Variants in PPM1G observed in about 807,000 individuals in gnomAD.
PPM1G encodes protein phosphatase 1G.
PPM1G carries 12 observed loss-of-function variants against 59.4 expected under a neutral mutation model. The observed-to-expected ratio is 0.20, with a 90% confidence interval of 0.13 to 0.33. PPM1G has a LOEUF of 0.33. Ranked by LOEUF, PPM1G falls within the 10% of genes least tolerant of loss-of-function variation. The pLI is 1.00. For synonymous variants in PPM1G, 245 were observed against 251.9 expected (o/e 0.97, Z 0.26); for missense variants, 392 against 681.3 (o/e 0.58, Z 4.73).
In PPM1G at chr2:27,395,006, G is replaced by A. The variant is rs541559574; in HGVS notation, c.121-7848C>T. 3.3e-5 allele frequency among the ~76,000 whole-genome samples: 5 copies of A among 152,086 alleles called. No individual in the cohort carries two copies. In the South Asian group the frequency reaches 1.0e-3, roughly 32 times the overall value. On this transcript the variant is annotated intron_variant, in intron 1 of 9. Coordinates refer to ENST00000344034, the MANE Select transcript of PPM1G (RefSeq NM_177983.3). ...ACACTTTGGGAGGCCAAGGCGGGTG[G>A]ATCACTTGGGGTCAGGAGTTTGAGA... is the stretch of plus-strand genomic sequence containing the variant.
At chr2:27,404,454 G>A (rs1045538833) in intron 1 of PPM1G, among the ~76,000 whole-genome samples, 3 of 151,770 alleles carry the variant, frequency 2.0e-5, no homozygotes, top group Non-Finnish European at 1.5e-5. Flanking sequence ...GAAGGCTGAG[G>A]CAGGAGAATC....
At chr2:27,392,273 G>GTTGGT (rs1279746178) in intron 1 of PPM1G, among the ~76,000 whole-genome samples, 2 of 122,586 alleles carry the variant, frequency 1.6e-5, no homozygotes, top group African/African-American at 6.7e-5. Context: ...ACTTTGTTTT[G>GTTGGT]TTGGTTTGTT....
intron 2 of PPM1G, chr2:27,386,850 A>G (rs1237533359): frequency 2.8e-6 from 1 of 352,958 alleles, no homozygotes; most frequent in Non-Finnish European, 5.1e-6. Flanking sequence ...AAAATTTTAA[A>G]AAATAAAAAT....
chr2:27,391,654 A>T (rs1233241370), intron 1 of PPM1G, among the ~76,000 whole-genome samples: 2 of 151,036 alleles, frequency 1.3e-5, no homozygotes, highest in East Asian at 3.9e-4. Context: ...GCTGCATGTC[A>T]CTTTTCTTGA....
Position 27,384,527 on chromosome 2 carries a change from T to C in PPM1G, c.825+146A>G, listed in dbSNP as rs1683715438. ...TGGTACCTGTGATGATGGAGCTCAA[T>C]GAATTCAAGACTAAAGCTTAGAATA... On this transcript the variant is annotated intron_variant, in intron 5 of 9. Transcript: ENST00000344034. The surrounding 1 kb of genome is among the most constrained non-coding windows in gnomAD (Gnocchi z 4.8). 9 of 1,029,404 alleles carry C rather than the reference T, an allele frequency of 8.7e-6. No individual in the cohort carries two copies. The highest frequency in any genetic ancestry group is 7.2e-5 in the East Asian group (3 of 41,626). 63.8% of individuals were successfully genotyped at this position (1,029,404 alleles called of 1,614,324 possible). A position where few individuals can be genotyped will look rare whatever the true frequency, so the allele number is the denominator to read the frequency against.
chr2:27,408,007 A>G (rs747961754), intron 1 of PPM1G, among the ~76,000 whole-genome samples: 4 of 151,994 alleles, frequency 2.6e-5, no homozygotes, highest in Non-Finnish European at 5.9e-5. Context: ...AGATCGCGCC[A>G]TTGCATTCCA....
At position 27,402,806 on chromosome 2, in the gene PPM1G, C is replaced by CAATAAATA. The variant is rs201750083; in HGVS notation, c.120+6489_120+6496dup. ...TGGGTGACAGTGTAAGACTCCATCT[C>CAATAAATA]AATAAATAAATAAATAAATAAATAA... On this transcript the variant is annotated intron_variant, in intron 1 of 9. Coordinates refer to ENST00000344034, the MANE Select transcript of PPM1G (RefSeq NM_177983.3). Among the ~76,000 whole-genome samples, 632 of 140,882 alleles carry CAATAAATA rather than the reference C, an allele frequency of 4.5e-3. 2 individuals are homozygous for CAATAAATA. Among genetic ancestry groups the CAATAAATA allele is most frequent in the Middle Eastern group, 0.022 (6 of 272 alleles). 92.4% of individuals were successfully genotyped at this position (140,882 alleles called of 152,430 possible).
intron 1 of PPM1G, chr2:27,392,818 T>C: frequency 2.0e-6 from 3 of 1,494,312 alleles, no homozygotes; most frequent in South Asian, 2.3e-5. Flanking sequence ...CAGGGTGTGC[T>C]TGTCAAAGAG....
At chr2:27,387,215 C>T (rs1558317169) in intron 1 of PPM1G, 57 bp from the exon 2 acceptor site, 9 of 1,438,236 alleles carry the variant, frequency 6.3e-6, no homozygotes, top group Middle Eastern at 1.8e-4. Context: ...TTCCTCAGGT[C>T]ATAGGGATCA....
chr2:27,384,876 C>T lies in PPM1G; in HGVS notation c.622G>A (p.Ala208Thr), dbSNP rs910916831. The change falls in exon 5 of 10, where the codon GCC becomes ACC. Residue 208 changes from alanine (A) to threonine (T), a missense_variant. Physicochemically the swap from Ala to Thr is moderately conservative, Grantham distance 58. Transcript: ENST00000344034. The surrounding 1 kb of genome is among the most constrained non-coding windows in gnomAD (Gnocchi z 4.8). ...ETPSQENGPT[A>T]KAYTGFSSNS... ...GAGGAAAAGCCTGTGTAGGCCTTGG[C>T]TGTGGGGCCATTTTCTTGTGAAGGA... The T allele has an allele frequency of 8.1e-6, 13 of 1,614,178 alleles. No homozygotes were observed. The highest frequency in any genetic ancestry group is 1.1e-5 in the Non-Finnish European group (13 of 1,180,040).
Position 27,383,518 on chromosome 2 carries a change from CGA to C in PPM1G, c.1047_1048del (p.Arg350LeufsTer5). On this transcript the variant is annotated frameshift_variant, in exon 7 of 10. Transcript: ENST00000344034. LOFTEE classifies it high-confidence loss of function. This position sits in a 1 kb window ranked among gnomAD's most constrained non-coding sequence, Gnocchi z 5.0. Reference sequence around the variant, plus strand: ...TTTGCCAGCCTCAGATACCACACAGCGAGAGTCTCCTGCGTTGGCTACAATCA... The same window carrying C: ...TTTGCCAGCCTCAGATACCACACAGCGAGTCTCCTGCGTTGGCTACAATCA... 6.2e-7 allele frequency: 1 copy of C among 1,614,100 alleles called. No individual in the cohort carries two copies. The highest frequency in any genetic ancestry group is 8.5e-7 in the Non-Finnish European group (1 of 1,180,016).
rs1683715539 is a variant in PPM1G, at chr2:27,384,535, A to C, written c.825+138T>G. ...GTGATGATGGAGCTCAATGAATTCA[A>C]GACTAAAGCTTAGAATACAGTGGGT... On this transcript the variant is annotated intron_variant, in intron 5 of 9. Coordinates refer to ENST00000344034, the MANE Select transcript of PPM1G (RefSeq NM_177983.3). The surrounding 1 kb of genome is among the most constrained non-coding windows in gnomAD (Gnocchi z 4.8). 9.0e-7 allele frequency: 1 copy of C among 1,107,698 alleles called. No homozygotes were observed. The highest frequency in any genetic ancestry group is 1.3e-6 in the Non-Finnish European group (1 of 776,796). 68.6% of individuals were successfully genotyped at this position (1,107,698 alleles called of 1,614,324 possible). A position where few individuals can be genotyped will look rare whatever the true frequency, so the allele number is the denominator to read the frequency against.
intron 1 of PPM1G, chr2:27,393,358 C>T (rs1683965351): frequency 1.9e-6 from 3 of 1,589,786 alleles, no homozygotes; most frequent in South Asian, 2.2e-5. Flanking sequence ...GAGGTAGACG[C>T]GGTCGTCATG....
At chr2:27,393,565 C>T (rs1463459407) in intron 1 of PPM1G, among the ~76,000 whole-genome samples, 2 of 152,000 alleles carry the variant, frequency 1.3e-5, no homozygotes, top group African/African-American at 2.4e-5. Context: ...CCACTCTCGG[C>T]GAAGAACGTC....
Position 27,409,426 on chromosome 2 carries a change from G to T in PPM1G, c.-4C>A, listed in dbSNP as rs1229568630. ...GCTGGGAGAGGTAGGCACCCATGGC[G>T]GCGGCTGGCCGGCGGCCTCAGGTGC... On this transcript the variant is annotated 5_prime_UTR_variant, in exon 1 of 10. Transcript: ENST00000344034. 3 of 1,508,184 alleles carry T rather than the reference G, an allele frequency of 2.0e-6. No homozygotes were observed. Among genetic ancestry groups the T allele is most frequent in the Non-Finnish European group, 2.7e-6 (3 of 1,129,300 alleles). The allele number at this position is 1,508,184 out of a possible 1,614,324, so 93.4% of individuals were successfully genotyped here.
chr2:27,396,401 G>C (rs1485319904), intron 1 of PPM1G, among the ~76,000 whole-genome samples: 1 of 152,162 alleles, frequency 6.6e-6, no homozygotes, highest in Non-Finnish European at 1.5e-5. Context: ...CATGAGCTGG[G>C]GGAAAGAGAA....
At chr2:27,392,484 G>A (rs1198318019) in intron 1 of PPM1G, among the ~76,000 whole-genome samples, 1 of 151,178 alleles carries the variant, frequency 6.6e-6, no homozygotes, top group African/African-American at 2.4e-5. Flanking sequence ...TAGTAGACAC[G>A]GGGTTTCACC....
At position 27,382,312 on chromosome 2, in the gene PPM1G, A is replaced by G. The variant is rs1683653764; in HGVS notation, c.1332-84T>C. On this transcript the variant is annotated intron_variant, in intron 8 of 9. Transcript: ENST00000344034. This position sits in a 1 kb window ranked among gnomAD's most constrained non-coding sequence, Gnocchi z 4.2. ...ATGGACAGAGGTGGTGGCCCAGGCC[A>G]GTGTAAATAACTACAGAAATTCTCA... The G allele has an allele frequency of 3.1e-5, 48 of 1,555,716 alleles. No individual in the cohort carries two copies. The South Asian group carries it at 4.7e-4, about 15-fold the overall frequency.
intron 1 of PPM1G, chr2:27,393,132 C>A: frequency 7.4e-7 from 1 of 1,359,116 alleles, no homozygotes; most frequent in South Asian, 1.2e-5. Flanking sequence ...GAAGATTCGG[C>A]CACCTCGTTG....
Sources: allele counts gnomAD v4.1 joint callset (sites outside exome capture counted in the v4.1 genomes callset), GRCh38; gene constraint gnomAD v4.1.1; non-coding constraint Gnocchi (gnomAD v3.1); transcripts MANE v1.5; gene names NCBI Gene and HGNC (gene_info 2026-07-23, HGNC 2026-07-21).